The following PLXNB1 variants were observed in gnomAD, a reference collection of about 807,000 sequenced individuals.
PLXNB1 encodes plexin B1.
PLXNB1 carries 106 observed loss-of-function variants against 209.4 expected under a neutral mutation model. The observed-to-expected ratio is 0.51, with a 90% CI of 0.43 to 0.59. The LOEUF is 0.59. Among genes scored for constraint, PLXNB1 ranks in the 20% least tolerant of loss-of-function variants. The probability of loss-of-function intolerance (pLI) is 0.00; values close to 1 mark genes in which losing one functional copy is unlikely to be tolerated. For missense variants in PLXNB1, 2,357 were observed against 2,853.2 expected (o/e 0.83, Z 3.96); for synonymous variants, 1,167 against 1,183.2 (o/e 0.99, Z 0.28).
At chr3:48,420,556 T>A (rs1575403862) in intron 10 of PLXNB1, 109 bp downstream of exon 10, 2 of 856,098 alleles carry the variant, frequency 2.3e-6, no homozygotes, top group African/African-American at 3.4e-5. Context: ...GCGGCTCTGG[T>A]GCTCAGGACA....
Position 48,415,457 on chromosome 3 carries a change from C to A in PLXNB1, c.3795-110G>T, listed in dbSNP as rs1006639706. The A allele has an allele frequency of 7.1e-7, 1 of 1,414,034 alleles. No individual in the cohort carries two copies. The highest frequency in any genetic ancestry group is 1.4e-5 in the African/African-American group (1 of 70,504). 87.6% of individuals were successfully genotyped at this position (1,414,034 alleles called of 1,614,324 possible). A position where few individuals can be genotyped will look rare whatever the true frequency, so the allele number is the denominator to read the frequency against. On this transcript the variant is annotated intron_variant, in intron 19 of 37. Transcript: ENST00000296440. This position sits in a 1 kb window ranked among gnomAD's most constrained non-coding sequence, Gnocchi z 5.0. The stretch of plus-strand genomic sequence containing the variant: ...TCAGCCCCAGCCCCAAACCACACGA[C>A]CCCTTGCCCCTACTAGCAGCATGGG...
rs898110393 is a variant in PLXNB1, at chr3:48,416,231, AGAGACAGGCTGGCCCAGGACTGG to A, written c.3481-87_3481-65del. The A allele has an allele frequency of 9.2e-5, 140 of 1,524,258 alleles. No individual in the cohort carries two copies. The highest frequency in any genetic ancestry group is 2.6e-4 in the East Asian group (11 of 43,068). The allele number at this position is 1,524,258 out of a possible 1,614,324, so 94.4% of individuals were successfully genotyped here. A position where few individuals can be genotyped will look rare whatever the true frequency, so the allele number is the denominator to read the frequency against. On this transcript the variant is annotated intron_variant, in intron 17 of 37. Transcript: ENST00000296440. The surrounding 1 kb of genome is among the most constrained non-coding windows in gnomAD (Gnocchi z 4.1). Reference sequence around the variant, plus strand: ...GACACATGGAGGCAGGGACAGCCTGAGAGACAGGCTGGCCCAGGACTGGGAGCCCCACCAAGGAATAACCAGAT... The same window carrying A: ...GACACATGGAGGCAGGGACAGCCTGAGAGCCCCACCAAGGAATAACCAGAT...
chr3:48,414,313 A>T (rs183702536), intron 21 of PLXNB1, among the ~76,000 whole-genome samples: 3 of 152,060 alleles, frequency 2.0e-5, no homozygotes, highest in African/African-American at 7.2e-5. Context: ...TGCCTCCCAA[A>T]TCCTGCCCAG....
chr3:48,412,121 T>C, intron 27 of PLXNB1, 112 bp from the exon 28 acceptor site: 2 of 1,464,466 alleles, frequency 1.4e-6, no homozygotes, highest in Non-Finnish European at 1.9e-6. Context: ...GAGGACAGGC[T>C]GAGCAGGAGT....
rs1287392592 is a variant in PLXNB1 at position 48,405,056 on chromosome 3, A to G, written c.6304-466T>C. On this transcript the variant is annotated intron_variant, in intron 37 of 37. Coordinates refer to ENST00000296440, the MANE Select transcript of PLXNB1 (RefSeq NM_001130082.3). The surrounding 1 kb of genome is among the most constrained non-coding windows in gnomAD (Gnocchi z 5.0). ...GGCAGCAGCACTTGGGAAAACAGCT[A>G]CTGCCCACTATGTCTCCACAAGGGG... 1.3e-5 allele frequency among the ~76,000 whole-genome samples: 2 copies of G among 152,154 alleles called. No homozygotes were observed. Among genetic ancestry groups the G allele is most frequent in the Non-Finnish European group, 2.9e-5 (2 of 68,028 alleles).
chr3:48,414,959 C>T lies in PLXNB1; in HGVS notation c.4049G>A (p.Trp1350Ter). 6.2e-7 allele frequency: 1 copy of T among 1,613,856 alleles called. No homozygotes were observed. Among genetic ancestry groups the T allele is most frequent in the Non-Finnish European group, 8.5e-7 (1 of 1,180,046 alleles). ...PALPGLPEDP[W>*]VRVEFILDNL... ...GTCAAGGATAAATTCCACCCGGACC[C>T]AGGGGTCCTCAGGCAGGCCTGGGAG... The change falls in exon 21 of 38, where the codon TGG becomes TAG. Residue 1350 changes from tryptophan (W) to a stop codon, truncating the protein, a stop_gained. Coordinates refer to ENST00000296440, the MANE Select transcript of PLXNB1 (RefSeq NM_001130082.3). LOFTEE classifies it high-confidence loss of function.
At position 48,412,528 on chromosome 3, in the gene PLXNB1, A is replaced by G. The variant is rs887132420; in HGVS notation, c.4947T>C (p.Leu1649=). ...TGCGGAGGATGTCAGTGAAATACTC[A>G]AGCTTCCCATGCAGTGCCACGGTGA... ...SLLTVALHGK[L]EYFTDILRTL... is the part of the protein sequence containing the mutation. Residue 1649 remains leucine, a synonymous_variant, in exon 26 of 38, where the codon CTT becomes CTC. Transcript: ENST00000296440. 2 of 1,613,604 alleles carry G rather than the reference A, an allele frequency of 1.2e-6. No homozygotes were observed. The highest frequency in any genetic ancestry group is 2.2e-5 in the East Asian group (1 of 44,874).
At chr3:48,414,213 ACACG>A in intron 21 of PLXNB1, 142 bp from the exon 22 acceptor site, 1 of 721,254 alleles carries the variant, frequency 1.4e-6, no homozygotes, top group Non-Finnish European at 2.4e-6. Context: ...CAGGCCAGTC[ACACG>A]GTGTCCTCCA....
chr3:48,417,230 TG>T lies in PLXNB1; in HGVS notation c.3374+680del, dbSNP rs1374839845. On this transcript the variant is annotated intron_variant, in intron 16 of 37. Coordinates refer to ENST00000296440, the MANE Select transcript of PLXNB1 (RefSeq NM_001130082.3). The surrounding 1 kb of genome is among the most constrained non-coding windows in gnomAD (Gnocchi z 4.4). ...TGGTTCCTTGTTTCAAATACAGATT[TG>T]GGGGCCCCACCGTGGGCCTCCTGAA... Among the ~76,000 whole-genome samples, 6 of 152,206 alleles carry T rather than the reference TG, an allele frequency of 3.9e-5. No homozygotes were observed. Among genetic ancestry groups the T allele is most frequent in the Non-Finnish European group, 7.3e-5 (5 of 68,028 alleles).
chr3:48,413,471 C>T lies in PLXNB1; in HGVS notation c.4535+199G>A. 1.6e-6 allele frequency: 1 copy of T among 612,520 alleles called. No homozygotes were observed. 37.9% of individuals were successfully genotyped at this position (612,520 alleles called of 1,614,324 possible). A position where few individuals can be genotyped will look rare whatever the true frequency, so the allele number is the denominator to read the frequency against. On this transcript the variant is annotated intron_variant, in intron 23 of 37. Coordinates refer to ENST00000296440, the MANE Select transcript of PLXNB1 (RefSeq NM_001130082.3). This position sits in a 1 kb window ranked among gnomAD's most constrained non-coding sequence, Gnocchi z 5.4. ...GAACACAGCCACTTTCATGTGTTTC[C>T]ATGTCGTCCCTGGCTGCCTTTGTGC...
rs143908107 is a variant in PLXNB1 at position 48,413,906 on chromosome 3, G to A, written c.4375C>T (p.Pro1459Ser). The change falls in exon 22 of 38, where the codon CCT becomes TCT. Residue 1459 changes from proline to serine, a missense_variant. By Grantham distance (74) the Pro-to-Ser change is moderately conservative. Around this residue, in one of 7 missense-constraint regions of PLXNB1, gnomAD observed 743 missense variants for 896.2 expected, o/e 0.83. Transcript: ENST00000296440. The surrounding 1 kb of genome is among the most constrained non-coding windows in gnomAD (Gnocchi z 5.4). ...ACCTGCCCACTGACCGTGAACTCAGGCAAAGAGTCAGGTGCCTCTCGGAGG... is the reference window on the plus strand; with the variant it reads ...ACCTGCCCACTGACCGTGAACTCAGACAAAGAGTCAGGTGCCTCTCGGAGG... ...HALREAPDSL[P>S]EFTVQMGNLR... The A allele has an allele frequency of 6.2e-7, 1 of 1,609,450 alleles. No individual in the cohort carries two copies. The highest frequency in any genetic ancestry group is 8.5e-7 in the Non-Finnish European group (1 of 1,177,132).
Position 48,424,153 on chromosome 3 carries a change from C to A in PLXNB1, c.459G>T (p.Val153=). 6.4e-7 allele frequency: 1 copy of A among 1,571,618 alleles called. No homozygotes were observed. Among genetic ancestry groups the A allele is most frequent in the Non-Finnish European group, 8.6e-7 (1 of 1,158,578 alleles). The change falls in exon 3 of 38, where the codon GTG becomes GTT. Residue 153 remains valine (V), a synonymous_variant. Transcript: ENST00000296440. The stretch of plus-strand genomic sequence containing the variant: ...CTGCCAAGCCCTGGGCTACCAGCCC[C>A]ACCGTGCTGACCGCAGGATCATTGG... ...VAANDPAVST[V]GLVAQGLAGE... is the part of the protein sequence containing the mutation.
Position 48,415,744 on chromosome 3 carries a change from C to G in PLXNB1, c.3633G>C (p.Gln1211His). 6.5e-7 allele frequency: 1 copy of G among 1,544,488 alleles called. No individual in the cohort carries two copies. The highest frequency in any genetic ancestry group is 8.8e-7 in the Non-Finnish European group (1 of 1,141,446). The change falls in exon 19 of 38, where the codon CAG (glutamine) becomes CAC (histidine). Residue 1211 changes from glutamine to histidine, a missense_variant. This residue lies in a region of PLXNB1 where 743 missense variants were observed against 896.2 expected (regional missense o/e 0.83). Transcript: ENST00000296440. The surrounding 1 kb of genome is among the most constrained non-coding windows in gnomAD (Gnocchi z 5.0). ...DQPCHLLPEQ[Q>H]SEQLRCETSP... ...TGGTCTCACACCGCAGTTGTTCTGACTGCTGCTCCGGCAGCCTGGGAGGGG... is the reference window on the plus strand; with the variant it reads ...TGGTCTCACACCGCAGTTGTTCTGAGTGCTGCTCCGGCAGCCTGGGAGGGG...
chr3:48,404,393 C>T lies in PLXNB1; in HGVS notation c.*93G>A, dbSNP rs1258226707. ...CCTTCCACTAACTCTGCTTGTCAGT[C>T]ACTACAGGCACCTAAGAAGGTGGCC... On this transcript the variant is annotated 3_prime_UTR_variant, in exon 38 of 38. Transcript: ENST00000296440. 1 of 724,630 alleles carries T rather than the reference C, an allele frequency of 1.4e-6. No individual in the cohort carries two copies. Among genetic ancestry groups the T allele is most frequent in the Non-Finnish European group, 2.3e-6 (1 of 432,544 alleles). The allele number at this position is 724,630 out of a possible 1,614,324, so 44.9% of individuals were successfully genotyped here. A position where few individuals can be genotyped will look rare whatever the true frequency, so the allele number is the denominator to read the frequency against.
At chr3:48,426,982 C>T (rs994415797) in intron 1 of PLXNB1, among the ~76,000 whole-genome samples, 5 of 152,280 alleles carry the variant, frequency 3.3e-5, no homozygotes, top group South Asian at 4.1e-4. Flanking sequence ...CTCCTGCCAC[C>T]GCATGCCAGG....
At position 48,406,972 on chromosome 3, in the gene PLXNB1, C is replaced by T. The variant is rs1419274602; in HGVS notation, c.6152+55G>A. ...CCCTGCTCCCAACCAGAGCCCACCC[C>T]CCAAGCCTCAGCTGCACACGCCCTC... is the stretch of plus-strand genomic sequence containing the variant. On this transcript the variant is annotated intron_variant, in intron 35 of 37. Transcript: ENST00000296440. This position sits in a 1 kb window ranked among gnomAD's most constrained non-coding sequence, Gnocchi z 4.4. The T allele has an allele frequency of 1.2e-6, 2 of 1,609,480 alleles. No individual in the cohort carries two copies. The highest frequency in any genetic ancestry group is 2.2e-5 in the East Asian group (1 of 44,862).
At position 48,419,905 on chromosome 3, in the gene PLXNB1, G is replaced by A. The variant is rs1479550150; in HGVS notation, c.2381C>T (p.Pro794Leu). 2.6e-6 allele frequency: 4 copies of A among 1,562,748 alleles called. No individual in the cohort carries two copies. The highest frequency in any genetic ancestry group is 1.2e-5 in the South Asian group (1 of 82,552). ...AGGGGGCACTGCTGCTACCTCTGAG[G>A]GTGACAGCGGGGAGGCCAAGAGGTC... Reference protein sequence around the residue: ...PEDLLASPLSPSEVAAVPPAD... With the variant: ...PEDLLASPLSLSEVAAVPPAD... Residue 794 changes from proline to leucine, a missense_variant, in exon 11 of 38, where the codon CCC (proline) becomes CTC (leucine). Physicochemically the swap from Pro to Leu is moderately conservative, Grantham distance 98. Coordinates refer to ENST00000296440, the MANE Select transcript of PLXNB1 (RefSeq NM_001130082.3). The surrounding 1 kb of genome is among the most constrained non-coding windows in gnomAD (Gnocchi z 5.7).
At chr3:48,423,073 C>T in intron 3 of PLXNB1, 126 bp from the exon 4 acceptor site, 1 of 794,308 alleles carries the variant, frequency 1.3e-6, no homozygotes, top group Non-Finnish European at 2.0e-6. Context: ...TGTGTTTTCT[C>T]TGCTGGCCCT....
chr3:48,415,260 C>T lies in PLXNB1; in HGVS notation c.3882G>A (p.Leu1294=). ...RIRVTVVSRM[L]QPSQGLGRRR... is the part of the protein sequence containing the mutation. ...TCCGTCCAAGCCCCTGGCTGGGCTG[C>T]AGCATTCTCGAGACCACGGTCACCC... The change falls in exon 20 of 38, where the codon CTG becomes CTA. Residue 1294 remains leucine, a synonymous_variant. Transcript: ENST00000296440. The surrounding 1 kb of genome is among the most constrained non-coding windows in gnomAD (Gnocchi z 5.0). The T allele has an allele frequency of 6.2e-7, 1 of 1,613,554 alleles. No homozygotes were observed. The highest frequency in any genetic ancestry group is 8.5e-7 in the Non-Finnish European group (1 of 1,180,012).
Sources: gnomAD v4.1 joint callset for allele counts (sites outside exome capture counted in the v4.1 genomes callset) on GRCh38, gnomAD v4.1.1 for gene constraint, gnomAD v4.1.1 regional missense constraint, Gnocchi (gnomAD v3.1) non-coding constraint, MANE v1.5 for transcripts, NCBI Gene and HGNC (gene_info 2026-07-23, HGNC 2026-07-21) for gene names.